The following ANGEL1 variants were observed in gnomAD, a reference collection of about 807,000 sequenced individuals.
The protein encoded by ANGEL1 is angel homolog 1.
Under a neutral mutation model 76.4 loss-of-function variants are expected in ANGEL1, and 62 were observed. The ratio of observed to expected loss-of-function variants is 0.81; its 90% CI spans 0.66 to 1.00. The LOEUF is 1.00. Among genes scored for constraint, ANGEL1 ranks in the 50% least tolerant of loss-of-function variants. The pLI, the probability that ANGEL1 is intolerant of heterozygous loss-of-function variation, is 0.00. For synonymous variants in ANGEL1, 340 were observed against 331.7 expected, an observed-to-expected ratio of 1.03 and a Z score of -0.27; for missense variants, 737 against 836.7, an observed-to-expected ratio of 0.88 and a Z score of 1.47.
intron 7 of ANGEL1, among the ~76,000 whole-genome samples, chr14:76,803,089 T>C: frequency 6.6e-6 from 1 of 152,348 alleles, no homozygotes; most frequent in African/African-American, 2.4e-5. Flanking sequence ...GCTGTACACA[T>C]GCTAGTCATT....
intron 6 of ANGEL1, 70 bp downstream of exon 6, chr14:76,803,716 G>A (rs1467504713): frequency 1.5e-5 from 23 of 1,539,672 alleles, no homozygotes; most frequent in East Asian, 9.0e-5. Flanking sequence ...TTTTCTTGTC[G>A]TTGAGACACC....
intron 7 of ANGEL1, among the ~76,000 whole-genome samples, chr14:76,793,278 A>G (rs1266657756): frequency 6.7e-6 from 1 of 148,688 alleles, no homozygotes; most frequent in Non-Finnish European, 1.5e-5. Context: ...TAAAATGGCA[A>G]TACTTCCCTA....
rs778911126 is a variant in ANGEL1, at chr14:76,789,407, GC to G, written c.1853-20del. ...CTGTGATCTGGGGCACAAAGCAGAAGCCAATGGGTAAAAGCAGCCGCAGCCA... is the reference window on the plus strand; with the variant it reads ...CTGTGATCTGGGGCACAAAGCAGAAGCAATGGGTAAAAGCAGCCGCAGCCA... On this transcript the variant is annotated intron_variant, in intron 9 of 9. Transcript: ENST00000251089. 1 of 1,613,688 alleles carries G rather than the reference GC, an allele frequency of 6.2e-7. No individual in the cohort carries two copies. The highest frequency in any genetic ancestry group is 1.3e-5 in the African/African-American group (1 of 75,054).
At position 76,806,470 on chromosome 14, in the gene ANGEL1, G is replaced by T; in HGVS notation, c.1326C>A (p.Leu442=). 6.2e-7 allele frequency: 1 copy of T among 1,614,168 alleles called. No individual in the cohort carries two copies. The highest frequency in any genetic ancestry group is 8.5e-7 in the Non-Finnish European group (1 of 1,180,032). The change falls in exon 5 of 10, where the codon CTC becomes CTA. Residue 442 remains leucine (L), a synonymous_variant. Transcript: ENST00000251089. ...GDLNSVPDSP[L]YNFIRDGELQ... ...GCTCTCCATCCCTGATGAAGTTGTA[G>T]AGAGGTGAATCAGGGACAGAATTTA...
intron 7 of ANGEL1, among the ~76,000 whole-genome samples, chr14:76,791,845 A>G (rs182834535): frequency 6.6e-6 from 1 of 152,326 alleles, no homozygotes; most frequent in Admixed American, 6.5e-5. Flanking sequence ...CATACATATT[A>G]CATATATGTA....
In ANGEL1 at chr14:76,788,825, A is replaced by G; in HGVS notation, c.*403T>C. 5.6e-6 allele frequency: 1 copy of G among 178,460 alleles called. No individual in the cohort carries two copies. Among genetic ancestry groups the G allele is most frequent in the Non-Finnish European group, 1.2e-5 (1 of 84,550 alleles). The allele number at this position is 178,460 out of a possible 1,614,324, so 11.1% of individuals were successfully genotyped here. A position where few individuals can be genotyped will look rare whatever the true frequency, so the allele number is the denominator to read the frequency against. ...CATGCCTGGCAAGAGGGCTGGGCCCAGAAGTCCTGAAGGCAGGGAAAAGGT... is the reference window on the plus strand; with the variant it reads ...CATGCCTGGCAAGAGGGCTGGGCCCGGAAGTCCTGAAGGCAGGGAAAAGGT... On this transcript the variant is annotated 3_prime_UTR_variant, in exon 10 of 10. Coordinates refer to ENST00000251089, the MANE Select transcript of ANGEL1 (RefSeq NM_015305.4).
At position 76,789,381 on chromosome 14, in the gene ANGEL1, C is replaced by G. The variant is rs753512670; in HGVS notation, c.1860G>C (p.Arg620Ser). ...GCTTGAGAGTTCCATCTCGATACAGCCTGTGATCTGGGGCACAAAGCAGAA... is the reference window on the plus strand; with the variant it reads ...GCTTGAGAGTTCCATCTCGATACAGGCTGTGATCTGGGGCACAAAGCAGAA... ...SCENGNRTDH[R>S]LYRDGTLKLL... Residue 620 changes from arginine (R) to serine (S), a missense_variant, in exon 10 of 10, where the codon AGG (arginine) becomes AGC (serine). Transcript: ENST00000251089. 1 of 1,614,146 alleles carries G rather than the reference C, an allele frequency of 6.2e-7. No homozygotes were observed.
intron 7 of ANGEL1, among the ~76,000 whole-genome samples, chr14:76,795,739 T>C (rs1894556865): frequency 6.6e-6 from 1 of 152,214 alleles, no homozygotes; most frequent in Non-Finnish European, 1.5e-5. Flanking sequence ...TACATTTATA[T>C]GCCATCCAAA....
At chr14:76,812,478 G>C in intron 1 of ANGEL1, 1 of 1,209,060 alleles carries the variant, frequency 8.3e-7, no homozygotes, top group South Asian at 4.0e-5. Context: ...GGCCAGGAAA[G>C]GGCCCTGCCC....
At chr14:76,789,927 C>A (rs575604466) in intron 9 of ANGEL1, among the ~76,000 whole-genome samples, 1 of 150,424 alleles carries the variant, frequency 6.6e-6, no homozygotes, top group African/African-American at 2.5e-5. Context: ...TGCAGTGGCA[C>A]GATCTCGGCT....
rs892986734 is a variant in ANGEL1 at position 76,787,105 on chromosome 14, C to T, written c.*2123G>A. On this transcript the variant is annotated 3_prime_UTR_variant, in exon 10 of 10. Transcript: ENST00000251089. ...GCTAATAGAGGGAGATCTTACAACA[C>T]ATTTCTCAATCTAGATTCATGTCTT... 2.0e-5 allele frequency: 3 copies of T among 152,190 alleles called. No individual in the cohort carries two copies. The highest frequency in any genetic ancestry group is 4.8e-5 in the African/African-American group (2 of 41,428). 9.4% of individuals were successfully genotyped at this position (152,190 alleles called of 1,614,324 possible).
In ANGEL1 at chr14:76,791,364, G is replaced by C. The variant is rs1246681377; in HGVS notation, c.1621C>G (p.Arg541Gly). 6.2e-7 allele frequency: 1 copy of C among 1,613,788 alleles called. No homozygotes were observed. Among genetic ancestry groups the C allele is most frequent in the Admixed American group, 1.7e-5 (1 of 60,000 alleles). The stretch of plus-strand genomic sequence containing the variant: ...ACAGACTCAGCCCAACCCGCAGGTC[G>C]CTCTGCAGAGGACCAGAGAGAAAAA... ...MEGVTDTKPE[R>G]PAGWAESVLE... The change falls in exon 8 of 10, where the codon CGA becomes GGA. Residue 541 changes from arginine to glycine, a missense_variant and splice_region_variant. Arg to Gly is a moderately radical substitution (Grantham distance 125). This residue lies in a region of ANGEL1 where 296 missense variants were observed against 387.2 expected (regional missense o/e 0.76). Coordinates refer to ENST00000251089, the MANE Select transcript of ANGEL1 (RefSeq NM_015305.4).
chr14:76,789,235 G>A lies in ANGEL1; in HGVS notation c.2006C>T (p.Ala669Val), dbSNP rs1894326069. The stretch of plus-strand genomic sequence containing the variant: ...CTTCCCCTGGGAGCCCTGTCATGGG[G>A]CGGTGACTTCCATCCCGAAGCTGGC... Reference protein sequence around the residue: ...LLASFGMEVTAP With the variant: ...LLASFGMEVTVP The change falls in exon 10 of 10, where the codon GCC becomes GTC. Residue 669 changes from alanine to valine, a missense_variant. By Grantham distance (64) the Ala-to-Val change is moderately conservative. Coordinates refer to ENST00000251089, the MANE Select transcript of ANGEL1 (RefSeq NM_015305.4). 6.2e-7 allele frequency: 1 copy of A among 1,614,244 alleles called. No individual in the cohort carries two copies. Among genetic ancestry groups the A allele is most frequent in the Non-Finnish European group, 8.5e-7 (1 of 1,180,032 alleles).
At chr14:76,802,241 T>C (rs1309721101) in intron 7 of ANGEL1, among the ~76,000 whole-genome samples, 2 of 152,198 alleles carry the variant, frequency 1.3e-5, no homozygotes, top group Non-Finnish European at 2.9e-5. Context: ...GTAATTTCTA[T>C]GAGCTCCATG....
chr14:76,797,723 TAGG>T (rs2140216467), intron 7 of ANGEL1, among the ~76,000 whole-genome samples: 1 of 152,382 alleles, frequency 6.6e-6, no homozygotes, highest in South Asian at 2.1e-4. Context: ...GTTTGTTAAC[TAGG>T]AGTTTACAAA....
chr14:76,793,729 T>C (rs1894490394), intron 7 of ANGEL1, among the ~76,000 whole-genome samples: 1 of 151,826 alleles, frequency 6.6e-6, no homozygotes, highest in Non-Finnish European at 1.5e-5. Context: ...GGGGGATACA[T>C]ACCGAGTCCC....
chr14:76,812,732 G>A, intron 1 of ANGEL1, 32 bp downstream of exon 1: 1 of 1,500,232 alleles, frequency 6.7e-7, no homozygotes, highest in East Asian at 2.7e-5. Flanking sequence ...GCCCTGGCCG[G>A]GCTCCTGTCT....
intron 9 of ANGEL1, among the ~76,000 whole-genome samples, chr14:76,789,655 A>C (rs1427414849): frequency 6.6e-6 from 1 of 151,960 alleles, no homozygotes; most frequent in Non-Finnish European, 1.5e-5. Context: ...TTGATTTTCC[A>C]AGAGAAGCTA....
intron 6 of ANGEL1, 30 bp downstream of exon 6, chr14:76,803,756 C>T: frequency 6.3e-7 from 1 of 1,578,204 alleles, no homozygotes; most frequent in Admixed American, 1.8e-5. Context: ...CATGAAGACA[C>T]AGCCAACCAA....
Sources: gnomAD v4.1 joint callset for allele counts (sites outside exome capture counted in the v4.1 genomes callset) on GRCh38, gnomAD v4.1.1 for gene constraint, gnomAD v4.1.1 regional missense constraint, MANE v1.5 for transcripts, NCBI Gene and HGNC (gene_info 2026-07-23, HGNC 2026-07-21) for gene names.